NUBPL: variants seen among roughly 807,000 people sequenced by gnomAD.
The protein encoded by NUBPL is NUBP iron-sulfur cluster assembly factor, mitochondrial, also known as iron-sulfur cluster transfer protein NUBPL.
In NUBPL, 31 loss-of-function variants were observed where a neutral mutation model predicts 45.7. The observed-to-expected ratio is 0.68, with a 90% confidence interval of 0.51 to 0.92. The LOEUF is 0.92. NUBPL is among the 40% of genes least tolerant of loss of function. NUBPL has a pLI of 0.00. For synonymous variants in NUBPL, 144 were observed against 140.9 expected (o/e 1.02, Z -0.15); for missense variants, 401 against 398.7 (o/e 1.01, Z -0.05).
chr14:31,780,694 A>T (rs1165358274), intron 6 of NUBPL, among the ~76,000 whole-genome samples: 1 of 152,194 alleles, frequency 6.6e-6, no homozygotes, highest in Non-Finnish European at 1.5e-5. Context: ...AGCCAATTGC[A>T]AGTGCTTCCA....
At chr14:31,701,794 C>T (rs1002376678) in intron 6 of NUBPL, among the ~76,000 whole-genome samples, 3 of 151,354 alleles carry the variant, frequency 2.0e-5, no homozygotes, top group African/African-American at 7.3e-5. Context: ...CGAGGGTCCG[C>T]GGCTTCATTC....
intron 4 of NUBPL, among the ~76,000 whole-genome samples, chr14:31,649,617 A>G (rs1463908801): frequency 6.6e-6 from 1 of 152,232 alleles, no homozygotes; most frequent in Non-Finnish European, 1.5e-5. Flanking sequence ...AATATGTGAT[A>G]CAAGTAACCA....
At chr14:31,622,544 A>G (rs1195927271) in intron 4 of NUBPL, among the ~76,000 whole-genome samples, 3 of 151,858 alleles carry the variant, frequency 2.0e-5, no homozygotes. Flanking sequence ...CAGGCCCAGG[A>G]CTCCACTGGT....
intron 4 of NUBPL, among the ~76,000 whole-genome samples, chr14:31,669,147 A>G (rs1290000377): frequency 2.0e-5 from 3 of 152,142 alleles, no homozygotes; most frequent in Non-Finnish European, 4.4e-5. Context: ...ACAGGCATGC[A>G]CCACTGTGCC....
chr14:31,825,639 T>TTTCTC (rs1299558387), intron 7 of NUBPL, among the ~76,000 whole-genome samples: 5 of 115,374 alleles, frequency 4.3e-5, no homozygotes, highest in African/African-American at 1.8e-4. Context: ...CCTCCTCCCC[T>TTTCTC]CTTTCTCCTT....
At chr14:31,788,463 T>C (rs2039323977) in intron 7 of NUBPL, among the ~76,000 whole-genome samples, 1 of 152,198 alleles carries the variant, frequency 6.6e-6, no homozygotes, top group South Asian at 2.1e-4. Flanking sequence ...CTTGCCACAG[T>C]TTTGTAGGAT....
chr14:31,774,554 C>T (rs948286133), intron 6 of NUBPL, among the ~76,000 whole-genome samples: 2 of 152,174 alleles, frequency 1.3e-5, no homozygotes, highest in African/African-American at 4.8e-5. Flanking sequence ...CTATTCATAA[C>T]ACCATATTCT....
intron 6 of NUBPL, among the ~76,000 whole-genome samples, chr14:31,711,844 G>A (rs896403186): frequency 6.6e-6 from 1 of 152,116 alleles, no homozygotes; most frequent in African/African-American, 2.4e-5. Flanking sequence ...GACCTTCGCG[G>A]TGGGTGTTAC....
At chr14:31,762,184 A>G (rs1376225593) in intron 6 of NUBPL, among the ~76,000 whole-genome samples, 3 of 152,196 alleles carry the variant, frequency 2.0e-5, no homozygotes, top group South Asian at 2.1e-4. Flanking sequence ...TTTTCTAACT[A>G]TGTTGTAACT....
intron 6 of NUBPL, among the ~76,000 whole-genome samples, chr14:31,707,598 C>T (rs575817024): frequency 1.3e-5 from 2 of 152,086 alleles, no homozygotes; most frequent in African/African-American, 4.8e-5. Context: ...TCCAGGGAAC[C>T]CTTGCAACTG....
At chr14:31,773,445 T>A (rs1351623079) in intron 6 of NUBPL, among the ~76,000 whole-genome samples, 1 of 152,180 alleles carries the variant, frequency 6.6e-6, no homozygotes, top group Non-Finnish European at 1.5e-5. Flanking sequence ...CAGAGATGGA[T>A]GTAAATATTT....
At chr14:31,773,981 C>T (rs1306338044) in intron 6 of NUBPL, among the ~76,000 whole-genome samples, 1 of 152,204 alleles carries the variant, frequency 6.6e-6, no homozygotes, top group African/African-American at 2.4e-5. Context: ...TACCTGGACA[C>T]AGCCCACTTT....
chr14:31,856,901 G>T (rs1055037404), intron 10 of NUBPL, among the ~76,000 whole-genome samples: 2 of 152,166 alleles, frequency 1.3e-5, no homozygotes, highest in African/African-American at 4.8e-5. Flanking sequence ...CAGGCACACT[G>T]TACAAGTTGT....
At chr14:31,752,002 C>T (rs1243899408) in intron 6 of NUBPL, among the ~76,000 whole-genome samples, 1 of 152,162 alleles carries the variant, frequency 6.6e-6, no homozygotes, top group Non-Finnish European at 1.5e-5. Context: ...ATGGCTGGAG[C>T]CTGGAGGAGC....
intron 6 of NUBPL, among the ~76,000 whole-genome samples, chr14:31,688,945 T>C (rs980512343): frequency 6.6e-6 from 1 of 152,134 alleles, no homozygotes; most frequent in Non-Finnish European, 1.5e-5. Flanking sequence ...ATTAGGTTGC[T>C]AAGGATAGTG....
At chr14:31,566,913 A>G (rs1972925) in intron 3 of NUBPL, among the ~76,000 whole-genome samples, 45,670 of 151,924 alleles carry the variant, frequency 0.3, 7,631 homozygotes, top group South Asian at 0.41. Context: ...ATTTTTCCCT[A>G]AAGCTTCCAG....
At chr14:31,636,520 A>G (rs1042185509) in intron 4 of NUBPL, among the ~76,000 whole-genome samples, 17 of 152,204 alleles carry the variant, frequency 1.1e-4, no homozygotes, top group East Asian at 3.9e-4. Context: ...TTTTGCATCA[A>G]TGTTCATCAA....
chr14:31,752,925 C>CAG (rs919111006), intron 6 of NUBPL, among the ~76,000 whole-genome samples: 1 of 152,080 alleles, frequency 6.6e-6, no homozygotes. Flanking sequence ...TGGCAATAAA[C>CAG]AGAGAGAGAG....
chr14:31,823,025 T>C (rs1160947414), intron 7 of NUBPL, among the ~76,000 whole-genome samples: 3 of 152,080 alleles, frequency 2.0e-5, no homozygotes, highest in Non-Finnish European at 4.4e-5. Context: ...AACAGCTGTT[T>C]AAGTTAAATA....
Sources: gnomAD v4.1 joint callset for allele counts (sites outside exome capture counted in the v4.1 genomes callset) on GRCh38, gnomAD v4.1.1 for gene constraint, MANE v1.5 for transcripts, NCBI Gene and HGNC (gene_info 2026-07-23, HGNC 2026-07-21) for gene names.